The following TMEM117 variants were observed in gnomAD, a reference collection of about 807,000 sequenced individuals.
TMEM117 encodes transmembrane protein 117.
In TMEM117, 27 loss-of-function variants were observed where a neutral mutation model predicts 52.4. That is an observed-to-expected ratio of 0.51 (90% confidence interval 0.38 to 0.71). The LOEUF (loss-of-function observed/expected upper bound fraction) is 0.71. TMEM117 is among the 30% of genes least tolerant of loss of function. TMEM117 has a pLI of 0.00. For synonymous variants in TMEM117, 215 were observed against 206.3 expected, an observed-to-expected ratio of 1.04 and a Z score of -0.36; for missense variants, 556 against 630.5, an observed-to-expected ratio of 0.88 and a Z score of 1.26.
chr12:44,046,768 T>A (rs547245632), intron 3 of TMEM117, among the ~76,000 whole-genome samples: 1 of 152,226 alleles, frequency 6.6e-6, no homozygotes, highest in Admixed American at 6.5e-5. Flanking sequence ...TAAGAAAATA[T>A]CTTCATTTTA....
At chr12:43,802,947 A>G in the TMEM117 span, among the ~76,000 whole-genome samples, 1 of 152,198 alleles carries the variant, frequency 6.6e-6, no homozygotes, top group Non-Finnish European at 1.5e-5. Flanking sequence ...ATTTGCCTAG[A>G]TGTATACACT....
At chr12:44,011,998 A>G (rs1174244134) in intron 3 of TMEM117, among the ~76,000 whole-genome samples, 1 of 152,210 alleles carries the variant, frequency 6.6e-6, no homozygotes, top group African/African-American at 2.4e-5. Flanking sequence ...TTTAAAACTT[A>G]TGAATTATTT....
At chr12:43,933,448 G>A (rs1435135975) in intron 2 of TMEM117, among the ~76,000 whole-genome samples, 3 of 152,008 alleles carry the variant, frequency 2.0e-5, no homozygotes, top group Admixed American at 6.5e-5. Context: ...TGATCTGCCC[G>A]CCTCGGCCTT....
At chr12:44,166,064 C>T (rs945301519) in intron 4 of TMEM117, among the ~76,000 whole-genome samples, 4 of 152,048 alleles carry the variant, frequency 2.6e-5, no homozygotes, top group Non-Finnish European at 4.4e-5. Context: ...AAATCAATAA[C>T]GTGAACTTTA....
At chr12:44,212,260 C>T (rs73272267) in intron 5 of TMEM117, among the ~76,000 whole-genome samples, 17,700 of 152,110 alleles carry the variant, frequency 0.12, 3,061 homozygotes, top group African/African-American at 0.38. Context: ...GGAGATCAAT[C>T]GTCTCTTTGT....
At chr12:43,981,735 G>C (rs1311173473) in intron 3 of TMEM117, among the ~76,000 whole-genome samples, 1 of 152,042 alleles carries the variant, frequency 6.6e-6, no homozygotes, top group African/African-American at 2.4e-5. Flanking sequence ...AAGAGAAAAT[G>C]GGTTCTACTA....
intron 2 of TMEM117, among the ~76,000 whole-genome samples, chr12:43,915,605 G>A (rs1944587774): frequency 6.6e-6 from 1 of 152,178 alleles, no homozygotes; most frequent in Admixed American, 6.5e-5. Flanking sequence ...CCAGGCCAGT[G>A]ACTATCTGCT....
At chr12:43,918,796 C>T (rs531507339) in intron 2 of TMEM117, among the ~76,000 whole-genome samples, 69 of 152,284 alleles carry the variant, frequency 4.5e-4, no homozygotes, top group African/African-American at 1.6e-3. Context: ...TCTCACCATG[C>T]CTCTGAAAAT....
chr12:43,969,533 A>C (rs1157111583), intron 3 of TMEM117, among the ~76,000 whole-genome samples: 1 of 145,790 alleles, frequency 6.9e-6, no homozygotes, highest in African/African-American at 2.5e-5. Flanking sequence ...AAAAAATAAT[A>C]ATAATAATTT....
chr12:43,954,663 C>G (rs1481399096), intron 3 of TMEM117, among the ~76,000 whole-genome samples: 1 of 152,042 alleles, frequency 6.6e-6, no homozygotes, highest in Non-Finnish European at 1.5e-5. Context: ...AAATAGCCTA[C>G]CAACCAAAAA....
At chr12:43,886,310 G>T (rs1014073637) in intron 2 of TMEM117, among the ~76,000 whole-genome samples, 3 of 152,170 alleles carry the variant, frequency 2.0e-5, no homozygotes, top group Non-Finnish European at 4.4e-5. Context: ...AAATATCTAA[G>T]AGAGTATGGT....
intron 3 of TMEM117, among the ~76,000 whole-genome samples, chr12:44,072,378 C>T (rs114316306): frequency 1.4e-3 from 216 of 152,286 alleles, no homozygotes; most frequent in African/African-American, 4.9e-3. Flanking sequence ...TTCACATTCC[C>T]GTTCCTCTCT....
intron 4 of TMEM117, among the ~76,000 whole-genome samples, chr12:44,180,326 A>G (rs921152746): frequency 1.3e-5 from 2 of 151,054 alleles, no homozygotes; most frequent in Non-Finnish European, 2.9e-5. Flanking sequence ...TTTTGTAAAC[A>G]ACGATGTAAA....
At chr12:44,335,819 G>T (rs551842818) in intron 6 of TMEM117, among the ~76,000 whole-genome samples, 62 of 152,092 alleles carry the variant, frequency 4.1e-4, no homozygotes, top group Non-Finnish European at 7.8e-4. Context: ...GTACCATAAT[G>T]CTTAAACAGT....
intron 3 of TMEM117, among the ~76,000 whole-genome samples, chr12:44,015,715 A>C (rs912084160): frequency 6.6e-6 from 1 of 152,216 alleles, no homozygotes; most frequent in African/African-American, 2.4e-5. Context: ...TAAAATAAGT[A>C]GTAGTATAAC....
chr12:44,000,294 G>A (rs774541776), intron 3 of TMEM117, among the ~76,000 whole-genome samples: 13 of 152,180 alleles, frequency 8.5e-5, no homozygotes, highest in Non-Finnish European at 1.5e-4. Flanking sequence ...GAAGAAGTAT[G>A]TATGGAACTG....
intron 3 of TMEM117, among the ~76,000 whole-genome samples, chr12:44,124,832 A>G (rs572486004): frequency 6.6e-6 from 1 of 152,298 alleles, no homozygotes; most frequent in South Asian, 2.1e-4. Context: ...TTTTGCATCA[A>G]TGTTCACCAA....
chr12:44,158,119 T>C (rs187231365), intron 4 of TMEM117, among the ~76,000 whole-genome samples: 145 of 152,258 alleles, frequency 9.5e-4, no homozygotes, highest in African/African-American at 3.3e-3. Flanking sequence ...GAAAGGGAGT[T>C]TGGGCCAGAT....
intron 2 of TMEM117, among the ~76,000 whole-genome samples, chr12:43,880,238 T>C (rs1337633381): frequency 6.6e-6 from 1 of 152,202 alleles, no homozygotes; most frequent in Non-Finnish European, 1.5e-5. Flanking sequence ...TCGTAAGGCA[T>C]TGTTTTCTTT....
Sources: gnomAD v4.1 joint callset for allele counts (sites outside exome capture counted in the v4.1 genomes callset) on GRCh38, gnomAD v4.1.1 for gene constraint, MANE v1.5 for transcripts, NCBI Gene and HGNC (gene_info 2026-07-23, HGNC 2026-07-21) for gene names.